Variants in PXDNL observed in about 807,000 individuals in gnomAD.
PXDNL encodes the protein probable oxidoreductase PXDNL.
Under a neutral mutation model 150.8 loss-of-function variants are expected in PXDNL, and 145 were observed. That is an observed-to-expected ratio of 0.96 (90% CI 0.84 to 1.10). The LOEUF (loss-of-function observed/expected upper bound fraction) is 1.10. Ranked by LOEUF, PXDNL falls within the 50% of genes least tolerant of loss-of-function variation. The pLI, the probability that PXDNL is intolerant of heterozygous loss-of-function variation, is 0.00. For missense variants in PXDNL, 2,087 were observed against 1,873.9 expected (o/e 1.11, Z -2.10); for synonymous variants, 757 against 725.7 (o/e 1.04, Z -0.69).
At position 51,447,180 on chromosome 8, in the gene PXDNL, GA is replaced by G; in HGVS notation, c.1367-19del. 1.2e-6 allele frequency: 2 copies of G among 1,611,956 alleles called. No individual in the cohort carries two copies. Among genetic ancestry groups the G allele is most frequent in the Non-Finnish European group, 1.7e-6 (2 of 1,178,640 alleles). On this transcript the variant is annotated intron_variant, in intron 11 of 22. Transcript: ENST00000356297. ...CTGCCCTCCTGCAAAAAGAGGTAAA[GA>G]AAGTATTCTTCATGGCCCAGAGCAC...
chr8:51,324,399 T>C (rs1585999408), intron 21 of PXDNL, among the ~76,000 whole-genome samples: 1 of 152,230 alleles, frequency 6.6e-6, no homozygotes, highest in East Asian at 1.9e-4. Context: ...GCATTCACCA[T>C]TCAGCATGTA....
At chr8:51,438,972 T>TAA (rs1809475845) in intron 12 of PXDNL, among the ~76,000 whole-genome samples, 1 of 152,162 alleles carries the variant, frequency 6.6e-6, no homozygotes. Context: ...ATAAAAACTG[T>TAA]AGAAGATGAC....
intron 19 of PXDNL, among the ~76,000 whole-genome samples, chr8:51,367,631 T>A (rs1806962678): frequency 1.3e-5 from 2 of 152,186 alleles, no homozygotes; most frequent in African/African-American, 4.8e-5. Flanking sequence ...GCTGCATGAA[T>A]TTTGGTATAT....
intron 2 of PXDNL, among the ~76,000 whole-genome samples, chr8:51,603,541 T>C (rs1377087537): frequency 6.6e-6 from 1 of 152,120 alleles, no homozygotes; most frequent in Non-Finnish European, 1.5e-5. Flanking sequence ...TATAGGATAT[T>C]GATTTTTTCT....
chr8:51,608,836 C>CAA (rs59195880), intron 2 of PXDNL, among the ~76,000 whole-genome samples: 7,908 of 58,788 alleles, frequency 0.13, 979 homozygotes, highest in East Asian at 0.23. Flanking sequence ...GACTCTGTCT[C>CAA]AAAAAAAAAA....
chr8:51,723,376 A>G (rs924223532), intron 1 of PXDNL, among the ~76,000 whole-genome samples: 25 of 152,206 alleles, frequency 1.6e-4, no homozygotes, highest in Non-Finnish European at 3.2e-4. Context: ...AAAAGGAAAA[A>G]TCAAAAGTGA....
At chr8:51,801,640 T>C (rs2037622102) in intron 1 of PXDNL, among the ~76,000 whole-genome samples, 1 of 152,054 alleles carries the variant, frequency 6.6e-6, no homozygotes, top group Non-Finnish European at 1.5e-5. Flanking sequence ...AAAGGACCTA[T>C]GTTGAAATAT....
chr8:51,405,281 G>A (rs190833802), intron 17 of PXDNL, among the ~76,000 whole-genome samples: 49 of 152,346 alleles, frequency 3.2e-4, no homozygotes, highest in Middle Eastern at 3.4e-3. Flanking sequence ...GGGTACCGAG[G>A]CCGAGGAGGT....
intron 19 of PXDNL, among the ~76,000 whole-genome samples, chr8:51,346,890 T>C (rs781585210): frequency 1.3e-5 from 2 of 152,090 alleles, no homozygotes; most frequent in Non-Finnish European, 2.9e-5. Flanking sequence ...AATTACCCAG[T>C]CTTGGGTATT....
chr8:51,533,525 G>A (rs200859224), intron 4 of PXDNL, among the ~76,000 whole-genome samples: 28 of 75,400 alleles, frequency 3.7e-4, no homozygotes, highest in Non-Finnish European at 6.6e-4. Flanking sequence ...CTCCCTCCAC[G>A]GTCTCCCTCT....
At chr8:51,588,690 G>A (rs1475993960) in intron 3 of PXDNL, among the ~76,000 whole-genome samples, 1 of 152,100 alleles carries the variant, frequency 6.6e-6, no homozygotes, top group Admixed American at 6.6e-5. Flanking sequence ...AAGCCATAAA[G>A]GTTCTTGTTT....
intron 1 of PXDNL, among the ~76,000 whole-genome samples, chr8:51,666,936 C>T (rs561376215): frequency 4.6e-5 from 7 of 152,332 alleles, no homozygotes; most frequent in Admixed American, 4.6e-4. Flanking sequence ...CCATAGCTGC[C>T]TGTGTGTTCT....
chr8:51,597,694 C>T (rs1813603748), intron 2 of PXDNL, among the ~76,000 whole-genome samples: 1 of 148,826 alleles, frequency 6.7e-6, no homozygotes, highest in South Asian at 2.1e-4. Context: ...TATGTGTCTA[C>T]TGTAAATAGG....
chr8:51,381,104 A>T (rs185555306), intron 17 of PXDNL, among the ~76,000 whole-genome samples: 22 of 152,216 alleles, frequency 1.4e-4, no homozygotes, highest in Admixed American at 7.2e-4. Flanking sequence ...TCGTACTGTT[A>T]TTGTTTATTT....
chr8:51,574,112 T>C (rs539818867), intron 3 of PXDNL, among the ~76,000 whole-genome samples: 2 of 152,050 alleles, frequency 1.3e-5, no homozygotes, highest in South Asian at 2.1e-4. Flanking sequence ...GTTAGGATTA[T>C]ATAATAGAGA....
chr8:51,662,324 C>A (rs1815292197), intron 1 of PXDNL, among the ~76,000 whole-genome samples: 1 of 151,328 alleles, frequency 6.6e-6, no homozygotes, highest in South Asian at 2.1e-4. Flanking sequence ...TCGAGACCAG[C>A]CTGGCCAATA....
At chr8:51,652,461 AAAC>A (rs1227752738) in intron 2 of PXDNL, among the ~76,000 whole-genome samples, 40 of 139,988 alleles carry the variant, frequency 2.9e-4, no homozygotes, top group Admixed American at 5.7e-4. Context: ...ACACACACAC[AAAC>A]ACACACACAC....
At chr8:51,772,468 G>A (rs560748649) in intron 1 of PXDNL, among the ~76,000 whole-genome samples, 19 of 152,250 alleles carry the variant, frequency 1.2e-4, no homozygotes, top group Admixed American at 7.2e-4. Context: ...GCCTAAGCTC[G>A]TCTAGGCAGA....
intron 3 of PXDNL, among the ~76,000 whole-genome samples, chr8:51,558,050 A>T (rs1812633325): frequency 1.3e-5 from 2 of 152,156 alleles, no homozygotes; most frequent in African/African-American, 4.8e-5. Context: ...GAATTCAAGA[A>T]ATACAATATT....
Sources: allele counts gnomAD v4.1 joint callset (sites outside exome capture counted in the v4.1 genomes callset), GRCh38; gene constraint gnomAD v4.1.1; transcripts MANE v1.5; gene names NCBI Gene and HGNC (gene_info 2026-07-23, HGNC 2026-07-21).